Variants in IPO8 observed in about 807,000 individuals in gnomAD.
IPO8 encodes importin 8.
A neutral mutation model predicts 141.2 loss-of-function variants in IPO8; 65 were observed. That is an observed-to-expected ratio of 0.46 (90% CI 0.38 to 0.57). IPO8 has a LOEUF of 0.57. Among genes scored for constraint, IPO8 ranks in the 20% least tolerant of loss-of-function variants. The pLI, the probability that IPO8 is intolerant of heterozygous loss-of-function variation, is 0.00. For missense variants in IPO8, 980 were observed against 1,246.8 expected (o/e 0.79, Z 3.22); for synonymous variants, 411 against 420.3 (o/e 0.98, Z 0.27).
Position 30,684,474 on chromosome 12 carries a change from A to C in IPO8, c.167-17T>G. 1 of 1,613,142 alleles carries C rather than the reference A, an allele frequency of 6.2e-7. No homozygotes were observed. The highest frequency in any genetic ancestry group is 1.1e-5 in the South Asian group (1 of 90,994). On this transcript the variant is annotated splice_polypyrimidine_tract_variant and intron_variant, in intron 2 of 24. Coordinates refer to ENST00000256079, the MANE Select transcript of IPO8 (RefSeq NM_006390.4). ...AAATGGCAGCTGAGTTTGAGAAAAAATGCTAATGTAGCAGTACCAAAAAGG... is the reference window on the plus strand; with the variant it reads ...AAATGGCAGCTGAGTTTGAGAAAAACTGCTAATGTAGCAGTACCAAAAAGG...
chr12:30,661,182 T>C lies in IPO8; in HGVS notation c.1840A>G (p.Thr614Ala), dbSNP rs773420554. 2 of 1,591,896 alleles carry C rather than the reference T, an allele frequency of 1.3e-6. No individual in the cohort carries two copies. Among genetic ancestry groups the C allele is most frequent in the African/African-American group, 1.4e-5 (1 of 73,740 alleles). ...ACAACTGTTAAGATAGTATCAATGG[T>C]ATGTAAAATTCCCATAGCCATTACT... ...KTVMAMGILH[T>A]IDTILTVVED... is the part of the protein sequence containing the mutation. The change falls in exon 16 of 25, where the codon ACC becomes GCC. Residue 614 changes from threonine (T) to alanine (A), a missense_variant. By Grantham distance (58) the Thr-to-Ala change is moderately conservative. This residue lies in a region of IPO8 where 924 missense variants were observed against 1,153.9 expected (regional missense o/e 0.80). Transcript: ENST00000256079.
chr12:30,655,094 A>T (rs770427723), intron 17 of IPO8, among the ~76,000 whole-genome samples: 6 of 152,182 alleles, frequency 3.9e-5, no homozygotes. Context: ...AAGCCAAAAC[A>T]GAACTTTCAG....
chr12:30,666,729 G>A (rs2052971398), intron 10 of IPO8, among the ~76,000 whole-genome samples: 1 of 152,202 alleles, frequency 6.6e-6, no homozygotes, highest in Non-Finnish European at 1.5e-5. Flanking sequence ...TAAAGAGACA[G>A]AGTGACAGAG....
chr12:30,651,776 T>A, intron 19 of IPO8, among the ~76,000 whole-genome samples: 1 of 152,160 alleles, frequency 6.6e-6, no homozygotes. Context: ...TAAATGATGC[T>A]TTTCCAACTA....
At chr12:30,651,737 T>C (rs1435881416) in intron 19 of IPO8, among the ~76,000 whole-genome samples, 1 of 150,462 alleles carries the variant, frequency 6.6e-6, no homozygotes, top group Admixed American at 6.6e-5. Flanking sequence ...GTAGCCATTA[T>C]GTAGATTGTA....
chr12:30,674,152 G>C (rs2289301), intron 7 of IPO8, 78 bp from the exon 8 acceptor site: 511,708 of 859,862 alleles, frequency 0.6, 157,467 homozygotes, highest in African/African-American at 0.84. Context: ...AAATATAGTC[G>C]CTTATTCAAA....
chr12:30,651,208 G>A (rs890966392), intron 19 of IPO8, among the ~76,000 whole-genome samples: 11 of 151,980 alleles, frequency 7.2e-5, no homozygotes, highest in Admixed American at 2.0e-4. Context: ...AAGACTGCCC[G>A]GTGATTATGA....
intron 1 of IPO8, 54 bp from the exon 2 acceptor site, chr12:30,690,631 A>C (rs143783197): frequency 1.9e-5 from 18 of 937,128 alleles, no homozygotes; most frequent in Non-Finnish European, 1.2e-5. Flanking sequence ...TGAGTAGCTT[A>C]TAAGTTAGCA....
chr12:30,669,288 AT>A lies in IPO8; in HGVS notation c.1045-7del. On this transcript the variant is annotated splice_region_variant and splice_polypyrimidine_tract_variant and intron_variant, in intron 9 of 24. Transcript: ENST00000256079. ...ATCACATCTTCAGAGATATTCTAAA[AT>A]GAGAAAAAAAAAAAAACGTAACAAA... 1.4e-6 allele frequency: 2 copies of A among 1,390,940 alleles called. No individual in the cohort carries two copies. The highest frequency in any genetic ancestry group is 1.9e-5 in the Admixed American group (1 of 52,934). 86.2% of individuals were successfully genotyped at this position (1,390,940 alleles called of 1,614,324 possible). A position where few individuals can be genotyped will look rare whatever the true frequency, so the allele number is the denominator to read the frequency against.
At chr12:30,680,731 C>A in intron 4 of IPO8, 93 bp from the exon 5 acceptor site, 1 of 1,013,240 alleles carries the variant, frequency 9.9e-7, no homozygotes. Flanking sequence ...ATACATAAAA[C>A]TAACAAAACA....
chr12:30,660,278 T>C (rs2052867360), intron 16 of IPO8, among the ~76,000 whole-genome samples: 1 of 152,192 alleles, frequency 6.6e-6, no homozygotes, highest in African/African-American at 2.4e-5. Context: ...AGTGCTCACC[T>C]TGTAAAACAA....
rs1439558034 is a variant in IPO8, at chr12:30,637,004, C to T, written c.2673G>A (p.Glu891=). ...TACCATTTTCTTCCATATCAGCTTT[C>T]TCTGCTTTTGAACGATCTTCCCGGT... ...LVNREDRSKA[E]KADMEENEEI... is the part of the protein sequence containing the mutation. Residue 891 remains glutamate, a synonymous_variant, in exon 22 of 25, where the codon GAG becomes GAA. Transcript: ENST00000256079. The T allele has an allele frequency of 1.2e-6, 2 of 1,613,968 alleles. No individual in the cohort carries two copies. The highest frequency in any genetic ancestry group is 8.5e-7 in the Non-Finnish European group (1 of 1,179,890).
chr12:30,638,669 C>T (rs1378320643), intron 21 of IPO8, among the ~76,000 whole-genome samples: 2 of 151,398 alleles, frequency 1.3e-5, no homozygotes, highest in Non-Finnish European at 3.0e-5. Flanking sequence ...TGGAATCTCA[C>T]TCTTCCTATT....
intron 3 of IPO8, 141 bp downstream of exon 3, chr12:30,684,160 A>T: frequency 1.5e-6 from 1 of 666,048 alleles, no homozygotes; most frequent in South Asian, 2.6e-5. Flanking sequence ...AAGTAAAATA[A>T]TATTCTTTGA....
At chr12:30,663,749 T>A in intron 13 of IPO8, 95 bp from the exon 14 acceptor site, 2 of 951,524 alleles carry the variant, frequency 2.1e-6, no homozygotes. Context: ...AAATATCAAT[T>A]CTATGAAGAA....
At chr12:30,646,117 A>G (rs1247555650) in intron 20 of IPO8, among the ~76,000 whole-genome samples, 1 of 152,204 alleles carries the variant, frequency 6.6e-6, no homozygotes, top group Non-Finnish European at 1.5e-5. Flanking sequence ...ACTTTTTAAA[A>G]ACTACCAGGA....
chr12:30,652,888 T>C (rs989912484), intron 18 of IPO8, 79 bp downstream of exon 18: 3 of 1,223,206 alleles, frequency 2.5e-6, no homozygotes, highest in East Asian at 4.7e-5. Context: ...TGGAATCATA[T>C]GTGTTTTTAT....
intron 16 of IPO8, 99 bp from the exon 17 acceptor site, chr12:30,656,849 G>A (rs750070965): frequency 5.1e-5 from 28 of 548,870 alleles, no homozygotes; most frequent in Middle Eastern, 5.2e-4. Context: ...TTTTTGAGAC[G>A]GTAACTTGAC....
chr12:30,653,731 C>A (rs1475197792), intron 17 of IPO8, among the ~76,000 whole-genome samples: 1 of 152,030 alleles, frequency 6.6e-6, no homozygotes, highest in Non-Finnish European at 1.5e-5. Flanking sequence ...AAACACAAAT[C>A]TCAACAAAAA....
Sources: allele counts gnomAD v4.1 joint callset (sites outside exome capture counted in the v4.1 genomes callset), GRCh38; gene constraint gnomAD v4.1.1; regional missense constraint gnomAD v4.1.1; transcripts MANE v1.5; gene names NCBI Gene and HGNC (gene_info 2026-07-23, HGNC 2026-07-21).